Variants in NXPH1 observed in about 807,000 individuals in gnomAD.
NXPH1 encodes neurexophilin 1, also known as neurexophilin-1.
A neutral mutation model predicts 23.7 loss-of-function variants in NXPH1; 5 were observed. The observed-to-expected ratio is 0.21, with a 90% CI of 0.11 to 0.44. NXPH1 has a LOEUF of 0.44. Among genes scored for constraint, NXPH1 ranks in the 20% least tolerant of loss-of-function variants. NXPH1 has a pLI of 0.99. For missense variants in NXPH1, 324 were observed against 321.6 expected (o/e 1.01, Z -0.06); for synonymous variants, 144 against 122.2 (o/e 1.18, Z -1.18).
chr7:8,459,243 A>T (rs1415273728), intron 2 of NXPH1, among the ~76,000 whole-genome samples: 1 of 152,160 alleles, frequency 6.6e-6, no homozygotes. Flanking sequence ...CCTGAATTCC[A>T]GATGAAATGA....
At chr7:8,480,826 TA>T (rs1336339060) in intron 2 of NXPH1, among the ~76,000 whole-genome samples, 3 of 152,196 alleles carry the variant, frequency 2.0e-5, no homozygotes, top group African/African-American at 7.2e-5. Flanking sequence ...TCCTGGAAAT[TA>T]AATCTTTTAT....
chr7:8,663,012 T>G (rs1450307630), intron 2 of NXPH1, among the ~76,000 whole-genome samples: 1 of 152,114 alleles, frequency 6.6e-6, no homozygotes, highest in Non-Finnish European at 1.5e-5. Context: ...ATGAGTGTAA[T>G]ACTGTGAACT....
Position 8,710,908 on chromosome 7 carries a change from C to A in NXPH1, c.55-40100C>A, listed in dbSNP as rs527771432. ...CGATCTCCTGACCTCATGATCCACC[C>A]GCCTCGGCCTCCCAAAGTGCTGGGA... is the stretch of plus-strand genomic sequence containing the variant. On this transcript the variant is annotated intron_variant, in intron 2 of 2. Coordinates refer to ENST00000405863, the MANE Select transcript of NXPH1 (RefSeq NM_152745.3). 8.0e-5 allele frequency among the ~76,000 whole-genome samples: 12 copies of A among 149,400 alleles called. 1 individual carries two copies. In the South Asian group the frequency reaches 2.6e-3, roughly 32 times the overall value.
chr7:8,485,113 C>G (rs146993199), intron 2 of NXPH1, among the ~76,000 whole-genome samples: 103 of 152,254 alleles, frequency 6.8e-4, no homozygotes, highest in Non-Finnish European at 1.2e-3. Context: ...ATGGGAGGGA[C>G]CCGGTGCAAG....
chr7:8,511,596 C>A (rs1386585827), intron 2 of NXPH1, among the ~76,000 whole-genome samples: 4 of 152,104 alleles, frequency 2.6e-5, no homozygotes, highest in Non-Finnish European at 4.4e-5. Flanking sequence ...GAAGAAGCTG[C>A]ACATTGTACC....
intron 2 of NXPH1, among the ~76,000 whole-genome samples, chr7:8,436,504 G>A (rs1306794963): frequency 6.6e-6 from 1 of 152,202 alleles, no homozygotes; most frequent in African/African-American, 2.4e-5. Flanking sequence ...TTTCCGGGGG[G>A]CTGGACTTTG....
At chr7:8,576,058 A>C (rs1402891553) in intron 2 of NXPH1, among the ~76,000 whole-genome samples, 1 of 152,176 alleles carries the variant, frequency 6.6e-6, no homozygotes, top group Non-Finnish European at 1.5e-5. Flanking sequence ...TGTCCAGAAT[A>C]GCTTCTATCT....
intron 2 of NXPH1, among the ~76,000 whole-genome samples, chr7:8,493,357 C>G (rs1007226046): frequency 6.6e-6 from 1 of 151,974 alleles, no homozygotes; most frequent in Non-Finnish European, 1.5e-5. Context: ...GGTTCAAACT[C>G]AGTACTTCGC....
chr7:8,595,960 A>G (rs60470847), intron 2 of NXPH1, among the ~76,000 whole-genome samples: 8,385 of 152,070 alleles, frequency 0.055, 662 homozygotes, highest in African/African-American at 0.17. Flanking sequence ...CAGATGAATT[A>G]ATTTGTAAAT....
chr7:8,519,066 C>T (rs972078360), intron 2 of NXPH1, among the ~76,000 whole-genome samples: 20 of 152,112 alleles, frequency 1.3e-4, no homozygotes, highest in African/African-American at 4.8e-4. Flanking sequence ...CCTCAACTTT[C>T]CATTACCCTT....
intron 2 of NXPH1, among the ~76,000 whole-genome samples, chr7:8,694,207 T>C (rs1821267583): frequency 2.0e-5 from 3 of 152,136 alleles, no homozygotes; most frequent in Non-Finnish European, 4.4e-5. Flanking sequence ...AAAGTGCTCA[T>C]GATGTTAGAA....
intron 2 of NXPH1, among the ~76,000 whole-genome samples, chr7:8,659,216 A>T (rs202002093): frequency 4.6e-5 from 1 of 21,824 alleles, no homozygotes; most frequent in Admixed American, 6.1e-4. Flanking sequence ...ACAATAACTA[A>T]ATGGAGATAA....
chr7:8,630,006 G>A (rs1035536612), intron 2 of NXPH1, among the ~76,000 whole-genome samples: 1 of 152,048 alleles, frequency 6.6e-6, no homozygotes. Flanking sequence ...AGGCCAAGAT[G>A]GGTGGATTGG....
intron 2 of NXPH1, among the ~76,000 whole-genome samples, chr7:8,607,212 C>G (rs1430801188): frequency 1.3e-5 from 2 of 152,054 alleles, no homozygotes; most frequent in Non-Finnish European, 2.9e-5. Flanking sequence ...ATTGGCCTAT[C>G]CATAATTAAT....
chr7:8,445,970 G>C (rs532238745), intron 2 of NXPH1, among the ~76,000 whole-genome samples: 5 of 152,196 alleles, frequency 3.3e-5, no homozygotes, highest in Admixed American at 1.3e-4. Context: ...CTGAACTTTA[G>C]AAAATGATTC....
Position 8,435,134 on chromosome 7 carries a change from G to T in NXPH1, c.-111+379G>T, listed in dbSNP as rs943020006. 1.1e-4 allele frequency: 18 copies of T among 157,830 alleles called. No individual in the cohort carries two copies. Among genetic ancestry groups the T allele is most frequent in the Admixed American group, 4.4e-4 (7 of 15,930 alleles). 9.8% of individuals were successfully genotyped at this position (157,830 alleles called of 1,614,324 possible). ...TCTACCTACCTCTTCCTCTCACCGC[G>T]CCCCCCTCGCTCAATCTCTCTCTCT... is the stretch of plus-strand genomic sequence containing the variant. On this transcript the variant is annotated intron_variant, in intron 1 of 2. Coordinates refer to ENST00000405863, the MANE Select transcript of NXPH1 (RefSeq NM_152745.3). The surrounding 1 kb of genome is among the most constrained non-coding windows in gnomAD (Gnocchi z 5.9).
Position 8,512,351 on chromosome 7 carries a change from A to G in NXPH1, c.54+76584A>G, listed in dbSNP as rs984697388. ...CCATCATTTGACAAACATTTATGAA[A>G]TGTCCACTGCATGACAAATAGTGAG... On this transcript the variant is annotated intron_variant, in intron 2 of 2. Coordinates refer to ENST00000405863, the MANE Select transcript of NXPH1 (RefSeq NM_152745.3). Among the ~76,000 whole-genome samples the G allele has an allele frequency of 5.9e-5, 9 of 152,150 alleles. No homozygotes were observed. The South Asian group carries it at 1.5e-3, about 25-fold the overall frequency.
chr7:8,468,637 T>A (rs1325679290), intron 2 of NXPH1, among the ~76,000 whole-genome samples: 1 of 152,058 alleles, frequency 6.6e-6, no homozygotes, highest in Non-Finnish European at 1.5e-5. Context: ...ATGTGTACAC[T>A]CCCTGGAAGT....
intron 2 of NXPH1, among the ~76,000 whole-genome samples, chr7:8,749,700 C>T (rs895399274): frequency 6.6e-6 from 1 of 152,154 alleles, no homozygotes; most frequent in East Asian, 1.9e-4. Context: ...AGGGGCATGG[C>T]AATATAAGTC....
Sources: gnomAD v4.1 joint callset for allele counts (sites outside exome capture counted in the v4.1 genomes callset) on GRCh38, gnomAD v4.1.1 for gene constraint, Gnocchi (gnomAD v3.1) non-coding constraint, MANE v1.5 for transcripts, NCBI Gene and HGNC (gene_info 2026-07-23, HGNC 2026-07-21) for gene names.